FHIP1A: variants seen among roughly 807,000 people sequenced by gnomAD.
FHIP1A encodes FHF complex subunit HOOK-interacting protein 1A.
FHIP1A carries 61 observed loss-of-function variants against 88.6 expected under a neutral mutation model. That is an observed-to-expected ratio of 0.69 (90% CI 0.56 to 0.85). The LOEUF is 0.85. FHIP1A is among the 40% of genes least tolerant of loss of function. The pLI is 0.00. For synonymous variants in FHIP1A, 478 were observed against 496.0 expected, an observed-to-expected ratio of 0.96 and a Z score of 0.48; for missense variants, 1,154 against 1,273.5, an observed-to-expected ratio of 0.91 and a Z score of 1.43.
In FHIP1A at chr4:151,523,482, A is replaced by G. The variant is rs201724230; in HGVS notation, c.-123+40834A>G. Among the ~76,000 whole-genome samples the G allele has an allele frequency of 1.4e-4, 21 of 152,344 alleles. 1 individual carries two copies. The East Asian group carries it at 4.0e-3, about 29-fold the overall frequency. On this transcript the variant is annotated intron_variant, in intron 3 of 13. Transcript: ENST00000435205. ...TTATTAGGGATCCCGAAGGGAATGG[A>G]CAACATACTCTCTTTTGTTCTCTGT...
chr4:151,566,408 AG>A (rs1220127448), intron 4 of FHIP1A, 44 bp downstream of exon 4: 2 of 1,127,160 alleles, frequency 1.8e-6, no homozygotes, highest in South Asian at 2.7e-5. Context: ...CAGTAACCCC[AG>A]GGGCCTCCAT....
At chr4:151,436,637 A>G (rs2126550544) in intron 1 of FHIP1A, 2 of 152,310 alleles carry the variant, frequency 1.3e-5, no homozygotes, top group African/African-American at 4.8e-5. Flanking sequence ...AACTTGACAA[A>G]GTGTCATCTT....
intron 1 of FHIP1A, among the ~76,000 whole-genome samples, chr4:151,452,796 A>G (rs573384472): frequency 7.9e-5 from 12 of 151,720 alleles, no homozygotes; most frequent in African/African-American, 2.9e-4. Flanking sequence ...AAAAAGATAC[A>G]TTTATATTCT....
chr4:151,485,282 G>GT (rs74327398), intron 3 of FHIP1A, among the ~76,000 whole-genome samples: 1,805 of 118,684 alleles, frequency 0.015, 42 homozygotes, highest in African/African-American at 0.034. Context: ...ATCTTTTCCA[G>GT]TTTTTTTTTT....
chr4:151,626,860 C>T (rs62327274), intron 7 of FHIP1A, among the ~76,000 whole-genome samples: 39,702 of 152,148 alleles, frequency 0.26, 5,826 homozygotes, highest in Non-Finnish European at 0.33. Flanking sequence ...CAGAAGATTT[C>T]GTTTTACATT....
chr4:151,662,621 C>T lies in FHIP1A; in HGVS notation c.2990C>T (p.Pro997Leu). The T allele has an allele frequency of 6.4e-7, 1 of 1,551,674 alleles. No individual in the cohort carries two copies. The highest frequency in any genetic ancestry group is 8.7e-7 in the Non-Finnish European group (1 of 1,146,986). Residue 997 changes from proline (P) to leucine (L), a missense_variant, in exon 14 of 14, where the codon CCC (proline) becomes CTC (leucine). Transcript: ENST00000435205. ...TKVAEAPPNL[P>L]LPVRNPMLAA... ...GTGGCTGAGGCACCCCCCAACCTGC[C>T]CCTGCCGGTGAGGAACCCCATGCTG...
chr4:151,649,688 C>T lies in FHIP1A; in HGVS notation c.1647C>T (p.Cys549=). The change falls in exon 11 of 14, where the codon TGC becomes TGT. Residue 549 remains cysteine, a synonymous_variant. Transcript: ENST00000435205. The stretch of plus-strand genomic sequence containing the variant: ...AGGAGGGCAGTGTGAGCTCGGCCTG[C>T]CCTGTGTTCGGGCTCCCGCAACAAC... ...LTEEGSVSSA[C]PVFGLPQQLP... is the part of the protein sequence containing the mutation. 1 of 1,551,488 alleles carries T rather than the reference C, an allele frequency of 6.4e-7. No individual in the cohort carries two copies. Among genetic ancestry groups the T allele is most frequent in the Non-Finnish European group, 8.7e-7 (1 of 1,146,930 alleles).
At chr4:151,496,193 T>G (rs1730454159) in intron 3 of FHIP1A, among the ~76,000 whole-genome samples, 1 of 151,116 alleles carries the variant, frequency 6.6e-6, no homozygotes, top group South Asian at 2.1e-4. Context: ...GTAATTTAGA[T>G]CTCACCTAAT....
At chr4:151,545,471 G>T (rs564479957) in intron 3 of FHIP1A, among the ~76,000 whole-genome samples, 1 of 139,338 alleles carries the variant, frequency 7.2e-6, no homozygotes, top group African/African-American at 2.7e-5. Context: ...TCTGCCTCCC[G>T]GGTTCAAGCA....
intron 3 of FHIP1A, among the ~76,000 whole-genome samples, chr4:151,541,728 T>A (rs1055499385): frequency 1.3e-5 from 2 of 152,226 alleles, no homozygotes; most frequent in African/African-American, 4.8e-5. Flanking sequence ...TCAGTGTGCC[T>A]TTATGCTGGG....
chr4:151,523,711 A>G (rs1455476474), intron 3 of FHIP1A, among the ~76,000 whole-genome samples: 1 of 152,214 alleles, frequency 6.6e-6, no homozygotes, highest in Non-Finnish European at 1.5e-5. Flanking sequence ...CCCTATCCTT[A>G]GCCTTATCAA....
intron 2 of FHIP1A, among the ~76,000 whole-genome samples, chr4:151,466,086 C>T (rs913108436): frequency 3.9e-5 from 6 of 152,260 alleles, no homozygotes; most frequent in East Asian, 3.9e-4. Flanking sequence ...AAGACCCCAT[C>T]GTCTCAGCCC....
chr4:151,421,284 C>T (rs1416004808), intron 1 of FHIP1A, among the ~76,000 whole-genome samples: 2 of 152,086 alleles, frequency 1.3e-5, no homozygotes, highest in Admixed American at 6.6e-5. Flanking sequence ...CAGTGTGACT[C>T]TTCTTATTTT....
At chr4:151,490,525 G>C (rs1182805256) in intron 3 of FHIP1A, among the ~76,000 whole-genome samples, 1 of 152,160 alleles carries the variant, frequency 6.6e-6, no homozygotes, top group African/African-American at 2.4e-5. Flanking sequence ...TTGAGTTCCA[G>C]ATCTTTCCAC....
chr4:151,580,420 A>C (rs28494961), intron 5 of FHIP1A, among the ~76,000 whole-genome samples: 1 of 152,210 alleles, frequency 6.6e-6, no homozygotes, highest in African/African-American at 2.4e-5. Flanking sequence ...AAGTTGTCCC[A>C]CTATTGGTGA....
In FHIP1A at chr4:151,578,002, C is replaced by G; in HGVS notation, c.658C>G (p.Leu220Val). Residue 220 changes from leucine (L) to valine (V), a missense_variant, in exon 5 of 14, where the codon CTC becomes GTC. Transcript: ENST00000435205. The part of the protein sequence containing the change: ...SVGQQARDAL[L>V]FIMSLSAENT... ...AGGCCAGCAAGCTCGGGATGCATTG[C>G]TCTTCATCATGTCTCTTTCTGCTGA... The G allele has an allele frequency of 6.4e-7, 1 of 1,551,248 alleles. No homozygotes were observed. Among genetic ancestry groups the G allele is most frequent in the East Asian group, 2.4e-5 (1 of 40,908 alleles).
At chr4:151,632,885 A>G (rs938182905) in intron 8 of FHIP1A, among the ~76,000 whole-genome samples, 1 of 151,994 alleles carries the variant, frequency 6.6e-6, no homozygotes, top group African/African-American at 2.4e-5. Flanking sequence ...AAAATCTTGA[A>G]GCAACAACCT....
intron 3 of FHIP1A, among the ~76,000 whole-genome samples, chr4:151,504,167 T>C: frequency 6.6e-6 from 1 of 152,312 alleles, no homozygotes; most frequent in Non-Finnish European, 1.5e-5. Context: ...TCTCCCTACA[T>C]TTAACTGGAA....
intron 2 of FHIP1A, among the ~76,000 whole-genome samples, chr4:151,471,714 C>A (rs1418035636): frequency 6.6e-6 from 1 of 152,040 alleles, no homozygotes; most frequent in Non-Finnish European, 1.5e-5. Context: ...GTGCACCCAT[C>A]ACCTGAACAG....
Sources: gnomAD v4.1 joint callset for allele counts (sites outside exome capture counted in the v4.1 genomes callset) on GRCh38, gnomAD v4.1.1 for gene constraint, MANE v1.5 for transcripts, NCBI Gene and HGNC (gene_info 2026-07-23, HGNC 2026-07-21) for gene names.